The following CDKAL1 variants were observed in gnomAD, a reference collection of about 807,000 sequenced individuals.
CDKAL1 encodes the protein threonylcarbamoyladenosine tRNA methylthiotransferase.
In CDKAL1, 32 loss-of-function variants were observed where a neutral mutation model predicts 68.2. That is an observed-to-expected ratio of 0.47 (90% CI 0.35 to 0.63). CDKAL1 has a LOEUF of 0.63. Ranked by LOEUF, CDKAL1 falls within the 30% of genes least tolerant of loss-of-function variation. The probability of loss-of-function intolerance (pLI) is 0.00; values close to 1 mark genes in which losing one functional copy is unlikely to be tolerated. For synonymous variants in CDKAL1, 234 were observed against 244.3 expected (o/e 0.96, Z 0.39); for missense variants, 606 against 696.7 (o/e 0.87, Z 1.47).
At chr6:20,616,195 A>T (rs1766890631) in intron 4 of CDKAL1, among the ~76,000 whole-genome samples, 1 of 152,084 alleles carries the variant, frequency 6.6e-6, no homozygotes, top group South Asian at 2.1e-4. Context: ...CTTGTAGTAT[A>T]GTTTGAAGTC....
intron 9 of CDKAL1, among the ~76,000 whole-genome samples, chr6:20,912,247 T>C (rs1385721382): frequency 6.6e-6 from 1 of 152,232 alleles, no homozygotes; most frequent in African/African-American, 2.4e-5. Context: ...TTTTAGCTAA[T>C]ATTTGTTTAT....
chr6:21,100,114 ACT>A (rs988438503), intron 12 of CDKAL1, among the ~76,000 whole-genome samples: 3 of 149,904 alleles, frequency 2.0e-5, no homozygotes, highest in Non-Finnish European at 4.4e-5. Context: ...TACCACCCCC[ACT>A]CTCTGTCCCC....
chr6:20,665,655 AATG>A lies in CDKAL1; in HGVS notation c.371+16281_371+16283del, dbSNP rs1021876825. ...TTAAAATAAGTCCTCACTTAATGTC[AATG>A]ATAAGTTCTTGGAAACTATAATTGA... is the stretch of plus-strand genomic sequence containing the variant. On this transcript the variant is annotated intron_variant, in intron 5 of 15. Coordinates refer to ENST00000274695, the MANE Select transcript of CDKAL1 (RefSeq NM_017774.3). 2.3e-4 allele frequency among the ~76,000 whole-genome samples: 33 copies of A among 143,692 alleles called. 1 individual carries two copies. The highest frequency in any genetic ancestry group is 9.0e-4 in the African/African-American group (33 of 36,518). 94.3% of individuals were successfully genotyped at this position (143,692 alleles called of 152,430 possible). A position where few individuals can be genotyped will look rare whatever the true frequency, so the allele number is the denominator to read the frequency against.
chr6:20,635,603 G>T (rs1164320368), intron 4 of CDKAL1, among the ~76,000 whole-genome samples: 1 of 152,130 alleles, frequency 6.6e-6, no homozygotes, highest in Non-Finnish European at 1.5e-5. Context: ...TACTCAAAAA[G>T]TTTCAGATTT....
intron 13 of CDKAL1, among the ~76,000 whole-genome samples, chr6:21,192,418 G>A (rs1778294397): frequency 6.6e-6 from 1 of 152,176 alleles, no homozygotes; most frequent in Non-Finnish European, 1.5e-5. Context: ...ACTTACATTT[G>A]ATGAATAAAT....
intron 10 of CDKAL1, among the ~76,000 whole-genome samples, chr6:20,969,216 T>C (rs945458165): frequency 6.6e-6 from 1 of 152,188 alleles, no homozygotes; most frequent in Non-Finnish European, 1.5e-5. Flanking sequence ...TAGCCTACTG[T>C]TGATAGGAAG....
chr6:20,984,817 G>GA (rs947026949), intron 10 of CDKAL1, among the ~76,000 whole-genome samples: 7 of 148,384 alleles, frequency 4.7e-5, no homozygotes, highest in Non-Finnish European at 3.0e-5. Context: ...GTAACGGGGG[G>GA]GGGTGGGGAA....
intron 12 of CDKAL1, among the ~76,000 whole-genome samples, chr6:21,069,774 CTTTTTTT>C (rs60241965): frequency 4.3e-5 from 3 of 69,920 alleles, no homozygotes; most frequent in Admixed American, 2.2e-4. Flanking sequence ...GATTTTCTTT[CTTTTTTT>C]TTTTTTTTTT....
chr6:20,686,859 A>G (rs1415821258), intron 5 of CDKAL1, among the ~76,000 whole-genome samples: 1 of 152,156 alleles, frequency 6.6e-6, no homozygotes, highest in Non-Finnish European at 1.5e-5. Context: ...AAGTTACTCT[A>G]TATCTCGTTC....
At chr6:20,761,104 A>G (rs9465883) in intron 7 of CDKAL1, among the ~76,000 whole-genome samples, 60,238 of 152,120 alleles carry the variant, frequency 0.4, 12,189 homozygotes, top group Non-Finnish European at 0.43. Context: ...AAAAGACCTG[A>G]ACAGACAATT....
At chr6:20,736,406 T>G (rs1378738056) in intron 5 of CDKAL1, among the ~76,000 whole-genome samples, 1 of 152,218 alleles carries the variant, frequency 6.6e-6, no homozygotes, top group African/African-American at 2.4e-5. Flanking sequence ...CTTTGATTCC[T>G]CCTTTGGTAT....
chr6:20,909,489 T>C (rs1236928759), intron 9 of CDKAL1, among the ~76,000 whole-genome samples: 2 of 152,242 alleles, frequency 1.3e-5, no homozygotes, highest in Non-Finnish European at 2.9e-5. Context: ...ATCTAAGCTA[T>C]TATTGCTTAT....
intron 7 of CDKAL1, among the ~76,000 whole-genome samples, chr6:20,774,497 TC>T (rs1483175011): frequency 2.6e-5 from 4 of 152,296 alleles, no homozygotes; most frequent in African/African-American, 9.6e-5. Context: ...GGCCAGGCTT[TC>T]TAGTATACAT....
chr6:20,833,899 C>T (rs751311093), intron 8 of CDKAL1, among the ~76,000 whole-genome samples: 12 of 152,052 alleles, frequency 7.9e-5, no homozygotes, highest in East Asian at 1.9e-4. Flanking sequence ...CAGTGGTTCT[C>T]GGCATGGTCC....
intron 11 of CDKAL1, among the ~76,000 whole-genome samples, chr6:21,016,458 C>T (rs191049449): frequency 1.3e-5 from 2 of 152,264 alleles, no homozygotes; most frequent in Admixed American, 1.3e-4. Flanking sequence ...TTTCTGCTTA[C>T]TCTGTTTTAT....
chr6:20,983,672 G>A (rs888607448), intron 10 of CDKAL1, among the ~76,000 whole-genome samples: 5 of 152,184 alleles, frequency 3.3e-5, no homozygotes, highest in East Asian at 3.8e-4. Context: ...AGTGAGCTGC[G>A]ATCATGCCAC....
intron 5 of CDKAL1, among the ~76,000 whole-genome samples, chr6:20,679,456 T>C (rs1441509619): frequency 2.6e-5 from 4 of 152,222 alleles, no homozygotes; most frequent in African/African-American, 9.6e-5. Context: ...ACAATTAATA[T>C]TCCCCCCTGT....
chr6:21,069,775 T>TG, intron 12 of CDKAL1, among the ~76,000 whole-genome samples: 1 of 15,076 alleles, frequency 6.6e-5, no homozygotes, highest in Non-Finnish European at 1.0e-4. Flanking sequence ...ATTTTCTTTC[T>TG]TTTTTTTTTT....
intron 13 of CDKAL1, among the ~76,000 whole-genome samples, chr6:21,191,213 G>T (rs545931072): frequency 1.3e-5 from 2 of 152,226 alleles, no homozygotes; most frequent in East Asian, 3.9e-4. Flanking sequence ...TTTGTTTCAG[G>T]GCAAATGATG....
Sources: allele counts gnomAD v4.1 joint callset (sites outside exome capture counted in the v4.1 genomes callset), GRCh38; gene constraint gnomAD v4.1.1; transcripts MANE v1.5; gene names NCBI Gene and HGNC (gene_info 2026-07-23, HGNC 2026-07-21).